KSR1: variants seen among roughly 807,000 people sequenced by gnomAD.
KSR1 encodes the protein kinase suppressor of ras 1.
In KSR1, 35 loss-of-function variants were observed where a neutral mutation model predicts 92.9. The observed-to-expected ratio is 0.38, with a 90% CI of 0.29 to 0.50. The LOEUF is 0.50. Among genes scored for constraint, KSR1 ranks in the 20% least tolerant of loss-of-function variants. KSR1 has a pLI of 0.94. For missense variants in KSR1, 972 were observed against 1,158.5 expected, an observed-to-expected ratio of 0.84 and a Z score of 2.34; for synonymous variants, 467 against 472.6, an observed-to-expected ratio of 0.99 and a Z score of 0.15.
rs896907645 is a variant in KSR1 at position 27,515,755 on chromosome 17, AC to A, written c.232-34810del. Among the ~76,000 whole-genome samples the A allele has an allele frequency of 2.9e-4, 44 of 152,074 alleles. 1 individual carries two copies. Among genetic ancestry groups the A allele is most frequent in the African/African-American group, 1.0e-3 (42 of 41,408 alleles). On this transcript the variant is annotated intron_variant, in intron 1 of 20. Coordinates refer to ENST00000644974, the MANE Select transcript of KSR1 (RefSeq NM_001394583.1). ...ATCTATGGATGGGAGAAACCAGAGA[AC>A]CCAACATGGTAGAAATGTGGATTGA...
chr17:27,546,044 A>G (rs1014479115), intron 1 of KSR1, among the ~76,000 whole-genome samples: 7 of 152,230 alleles, frequency 4.6e-5, no homozygotes. Context: ...AATGTGGAAA[A>G]GAGTGGTTTT....
chr17:27,458,316 G>A (rs896380652), intron 1 of KSR1, among the ~76,000 whole-genome samples: 3 of 152,152 alleles, frequency 2.0e-5, no homozygotes, highest in Non-Finnish European at 2.9e-5. Context: ...AACAATAGGG[G>A]GCCTGTGAGG....
intron 5 of KSR1, chr17:27,585,997 G>C: frequency 2.6e-6 from 1 of 382,330 alleles, no homozygotes; most frequent in Non-Finnish European, 4.8e-6. Flanking sequence ...GGGCTGCCAC[G>C]GTAAAGCAGC....
chr17:27,493,108 A>C (rs2068875407), intron 1 of KSR1, among the ~76,000 whole-genome samples: 1 of 152,210 alleles, frequency 6.6e-6, no homozygotes, highest in Non-Finnish European at 1.5e-5. Context: ...TTTATGGAGC[A>C]ATTTACTATG....
intron 1 of KSR1, among the ~76,000 whole-genome samples, chr17:27,481,814 C>T (rs890557340): frequency 2.0e-5 from 3 of 152,178 alleles, no homozygotes; most frequent in South Asian, 2.1e-4. Flanking sequence ...CCTCACCTCC[C>T]TCCCACTGTC....
At chr17:27,613,481 C>T (rs573686708) in intron 18 of KSR1, among the ~76,000 whole-genome samples, 3 of 152,336 alleles carry the variant, frequency 2.0e-5, no homozygotes, top group East Asian at 1.9e-4. Flanking sequence ...CCACCACACA[C>T]GAGCTGAAGA....
At chr17:27,457,296 C>A (rs917389119) in intron 1 of KSR1, among the ~76,000 whole-genome samples, 17 of 152,156 alleles carry the variant, frequency 1.1e-4, no homozygotes, top group African/African-American at 3.6e-4. Flanking sequence ...TGATCGCAGG[C>A]CTGCCGTCCC....
rs1312545357 is a variant in KSR1, at chr17:27,624,052, G to A, written c.*660G>A. 6.2e-6 allele frequency: 1 copy of A among 161,202 alleles called. No homozygotes were observed. Among genetic ancestry groups the A allele is most frequent in the Non-Finnish European group, 1.3e-5 (1 of 74,594 alleles). The allele number at this position is 161,202 out of a possible 1,614,324, so 10.0% of individuals were successfully genotyped here. A position where few individuals can be genotyped will look rare whatever the true frequency, so the allele number is the denominator to read the frequency against. On this transcript the variant is annotated 3_prime_UTR_variant, in exon 21 of 21. Transcript: ENST00000644974. ...CCAGGCTGCTCCTGCTGGAAAAGTA[G>A]AAACAGAATCCAAAAAAGGTCTGGA...
intron 1 of KSR1, among the ~76,000 whole-genome samples, chr17:27,474,258 C>T (rs937133060): frequency 1.3e-5 from 2 of 152,244 alleles, no homozygotes; most frequent in South Asian, 2.1e-4. Flanking sequence ...TTGTCAAAGC[C>T]GTAGTGCTAC....
intron 13 of KSR1, 49 bp downstream of exon 13, chr17:27,604,777 C>T: frequency 6.3e-7 from 1 of 1,592,876 alleles, no homozygotes; most frequent in African/African-American, 1.3e-5. Flanking sequence ...TCTTTTTTCC[C>T]TTCCCCATCT....
intron 1 of KSR1, among the ~76,000 whole-genome samples, chr17:27,519,992 G>A (rs1265920221): frequency 1.3e-5 from 2 of 152,224 alleles, no homozygotes; most frequent in Non-Finnish European, 2.9e-5. Flanking sequence ...GTGCAGCAGA[G>A]TCTCTGTAAA....
chr17:27,608,831 C>T (rs954299487), intron 15 of KSR1, among the ~76,000 whole-genome samples: 1 of 152,232 alleles, frequency 6.6e-6, no homozygotes, highest in Non-Finnish European at 1.5e-5. Flanking sequence ...AACCCCAGCT[C>T]ATTTAGGCCC....
chr17:27,622,771 C>T (rs908462526), intron 20 of KSR1: 6 of 168,210 alleles, frequency 3.6e-5, no homozygotes, highest in South Asian at 3.3e-4. Flanking sequence ...GCTGAGTCCC[C>T]TGTGGCAGTC....
intron 1 of KSR1, among the ~76,000 whole-genome samples, chr17:27,530,590 G>T (rs1191002973): frequency 6.6e-6 from 1 of 152,198 alleles, no homozygotes; most frequent in African/African-American, 2.4e-5. Context: ...CCCTTTGCTA[G>T]AAGAGAAGCA....
rs1214733973 is a variant in KSR1 at position 27,597,334 on chromosome 17, CCCT to C, written c.1371_1373del (p.Ser458del). The C allele has an allele frequency of 6.2e-7, 1 of 1,612,422 alleles. No homozygotes were observed. The highest frequency in any genetic ancestry group is 1.7e-5 in the Admixed American group (1 of 59,752). ...CCCTTCCTCCACCACCTCCTCCACA[CCCT>C]CCTCACCGGCGCCCTTCCCGACATC... On this transcript the variant is annotated inframe_deletion, in exon 10 of 21. Transcript: ENST00000644974.
intron 3 of KSR1, 57 bp from the exon 4 acceptor site, chr17:27,582,589 T>TC: frequency 6.7e-7 from 1 of 1,491,320 alleles, no homozygotes; most frequent in Non-Finnish European, 9.2e-7. Flanking sequence ...CCTAGCCATC[T>TC]CCCCTGTGAA....
chr17:27,561,094 A>G (rs189734700), intron 2 of KSR1, among the ~76,000 whole-genome samples: 22 of 152,238 alleles, frequency 1.4e-4, no homozygotes, highest in African/African-American at 5.3e-4. Flanking sequence ...CCAGCATTGT[A>G]TAGATGTCAT....
At chr17:27,622,720 A>G (rs970818629) in intron 20 of KSR1, 1 of 158,558 alleles carries the variant, frequency 6.3e-6, no homozygotes, top group African/African-American at 2.4e-5. Flanking sequence ...CCAGTGTACC[A>G]TAGACCAGAC....
At position 27,614,093 on chromosome 17, in the gene KSR1, T is replaced by C. The variant is rs377192214; in HGVS notation, c.2493+2464T>C. Among the ~76,000 whole-genome samples, 5 of 152,376 alleles carry C rather than the reference T, an allele frequency of 3.3e-5. No individual in the cohort carries two copies. In the South Asian group the frequency reaches 6.2e-4, roughly 19 times the overall value. On this transcript the variant is annotated intron_variant, in intron 18 of 20. Transcript: ENST00000644974. ...CTGGGATTACAGGCATGAGCCCCCA[T>C]GCCTGGCATAGTCTTTTAAAAAAAT...
Sources: allele counts gnomAD v4.1 joint callset (sites outside exome capture counted in the v4.1 genomes callset), GRCh38; gene constraint gnomAD v4.1.1; transcripts MANE v1.5; gene names NCBI Gene and HGNC (gene_info 2026-07-23, HGNC 2026-07-21).